SLC6A11: variants seen among roughly 807,000 people sequenced by gnomAD.
SLC6A11 encodes the protein sodium- and chloride-dependent GABA transporter 3.
Under a neutral mutation model 74.8 loss-of-function variants are expected in SLC6A11, and 25 were observed. The ratio of observed to expected loss-of-function variants is 0.33; its 90% CI spans 0.24 to 0.47. The LOEUF is 0.47. Among genes scored for constraint, SLC6A11 ranks in the 20% least tolerant of loss-of-function variants. The probability of loss-of-function intolerance (pLI) is 1.00; values close to 1 mark genes in which losing one functional copy is unlikely to be tolerated. For synonymous variants in SLC6A11, 330 were observed against 330.2 expected (o/e 1.00, Z 0.01); for missense variants, 574 against 837.0 (o/e 0.69, Z 3.88).
rs371580874 is a variant in SLC6A11, at chr3:10,918,309, C to G, written c.996-20C>G. On this transcript the variant is annotated intron_variant, in intron 7 of 13. Transcript: ENST00000254488. This position sits in a 1 kb window ranked among gnomAD's most constrained non-coding sequence, Gnocchi z 4.5. ...GTTCTGCCCGCTCTGACCCTAGTGCCTCTCGCTGCTTCCCCACAGGGACTG... is the reference window on the plus strand; with the variant it reads ...GTTCTGCCCGCTCTGACCCTAGTGCGTCTCGCTGCTTCCCCACAGGGACTG... The G allele has an allele frequency of 6.4e-7, 1 of 1,571,358 alleles. No homozygotes were observed.
At chr3:10,843,036 T>C (rs1392744525) in intron 4 of SLC6A11, among the ~76,000 whole-genome samples, 1 of 152,042 alleles carries the variant, frequency 6.6e-6, no homozygotes, top group Non-Finnish European at 1.5e-5. Flanking sequence ...GCGACTGGCA[T>C]GGTCTGATGG....
chr3:10,923,956 A>G (rs544548008), intron 8 of SLC6A11, among the ~76,000 whole-genome samples: 1 of 152,302 alleles, frequency 6.6e-6, no homozygotes, highest in Admixed American at 6.5e-5. Flanking sequence ...TCATGAGGAA[A>G]CATCAGACCA....
chr3:10,935,011 GC>G lies in SLC6A11; in HGVS notation c.1576-13del, dbSNP rs1215397432. On this transcript the variant is annotated splice_polypyrimidine_tract_variant and intron_variant, in intron 12 of 13. Transcript: ENST00000254488. ...CTGAGGGCCCATCCCCCAGGCACCT[GC>G]CCCCATCTCTCTGCAGGGGATCTTC... The G allele has an allele frequency of 3.7e-6, 6 of 1,608,560 alleles. No individual in the cohort carries two copies. Among genetic ancestry groups the G allele is most frequent in the Admixed American group, 1.7e-5 (1 of 59,834 alleles).
chr3:10,902,609 G>T (rs562484638), intron 6 of SLC6A11, among the ~76,000 whole-genome samples: 4 of 152,308 alleles, frequency 2.6e-5, no homozygotes, highest in South Asian at 4.2e-4. Context: ...GAAGTAATTT[G>T]CCCAGGGTTG....
chr3:10,934,263 G>A, intron 12 of SLC6A11, 97 bp downstream of exon 12: 1 of 810,076 alleles, frequency 1.2e-6, no homozygotes, highest in East Asian at 2.5e-5. Context: ...GGCCGAGGCT[G>A]GACCTGAGGA....
At chr3:10,936,481 C>A (rs1006787283) in intron 13 of SLC6A11, among the ~76,000 whole-genome samples, 13 of 152,304 alleles carry the variant, frequency 8.5e-5, no homozygotes, top group African/African-American at 3.1e-4. Context: ...GTATGCAGAG[C>A]CAGAATGCAA....
In SLC6A11 at chr3:10,938,575, C is replaced by T. The variant is rs561442763; in HGVS notation, c.*173C>T. 6.5e-4 allele frequency: 348 copies of T among 536,942 alleles called. No homozygotes were observed. The highest frequency in any genetic ancestry group is 7.7e-4 in the Non-Finnish European group (243 of 314,614). The allele number at this position is 536,942 out of a possible 1,614,324, so 33.3% of individuals were successfully genotyped here. On this transcript the variant is annotated 3_prime_UTR_variant, in exon 14 of 14. Coordinates refer to ENST00000254488, the MANE Select transcript of SLC6A11 (RefSeq NM_014229.3). ...CACTGCTCTAAAGTCATATCCCCTC[C>T]CCGCCCCCAGTCATCATGGAAGTAA...
At chr3:10,870,526 T>A (rs948959701) in intron 5 of SLC6A11, among the ~76,000 whole-genome samples, 1 of 152,218 alleles carries the variant, frequency 6.6e-6, no homozygotes, top group African/African-American at 2.4e-5. Context: ...GCAGTATGTG[T>A]GTCACTTATG....
intron 6 of SLC6A11, among the ~76,000 whole-genome samples, chr3:10,886,807 CA>C (rs200743729): frequency 0.022 from 2,189 of 101,088 alleles, 14 homozygotes; most frequent in East Asian, 0.043. Context: ...GACTCCATCT[CA>C]AAAAAAAAAA....
At chr3:10,828,590 G>C (rs1055068437) in intron 4 of SLC6A11, among the ~76,000 whole-genome samples, 1 of 152,134 alleles carries the variant, frequency 6.6e-6, no homozygotes, top group Admixed American at 6.5e-5. Context: ...CTGTTCTTTA[G>C]ATGTACGGGC....
intron 5 of SLC6A11, among the ~76,000 whole-genome samples, chr3:10,864,809 C>T (rs1427054123): frequency 6.6e-6 from 1 of 152,208 alleles, no homozygotes; most frequent in African/African-American, 2.4e-5. Flanking sequence ...CTGGCTGCTG[C>T]AGCTCCTCCA....
intron 6 of SLC6A11, among the ~76,000 whole-genome samples, chr3:10,907,042 G>A (rs1695312534): frequency 6.6e-6 from 1 of 152,108 alleles, no homozygotes; most frequent in Non-Finnish European, 1.5e-5. Context: ...TAATTATGGG[G>A]AGAATATTGT....
intron 5 of SLC6A11, among the ~76,000 whole-genome samples, chr3:10,859,161 A>G (rs1225555609): frequency 6.6e-6 from 1 of 152,254 alleles, no homozygotes; most frequent in Non-Finnish European, 1.5e-5. Context: ...TGAGACCAGA[A>G]CACATGCCAT....
At chr3:10,937,034 C>T (rs569882236) in intron 13 of SLC6A11, among the ~76,000 whole-genome samples, 45 of 152,100 alleles carry the variant, frequency 3.0e-4, no homozygotes, top group Non-Finnish European at 5.1e-4. Flanking sequence ...GCCTCAGTTC[C>T]CACAAAGCTG....
At chr3:10,873,527 ATCC>A in intron 5 of SLC6A11, among the ~76,000 whole-genome samples, 2 of 146,934 alleles carry the variant, frequency 1.4e-5, no homozygotes, top group African/African-American at 2.6e-5. Context: ...ATGCCATCCT[ATCC>A]TGTCCTATCC....
chr3:10,821,645 G>T (rs1434255492), intron 3 of SLC6A11, among the ~76,000 whole-genome samples: 1 of 152,174 alleles, frequency 6.6e-6, no homozygotes, highest in African/African-American at 2.4e-5. Flanking sequence ...ACTTTAAATT[G>T]TGCTGGTTCT....
intron 4 of SLC6A11, among the ~76,000 whole-genome samples, chr3:10,839,963 C>T (rs574128471): frequency 5.9e-5 from 9 of 152,260 alleles, no homozygotes; most frequent in Non-Finnish European, 1.3e-4. Flanking sequence ...GTCACCCATT[C>T]CTCTCCAGGA....
intron 5 of SLC6A11, among the ~76,000 whole-genome samples, chr3:10,874,259 CTA>C (rs1280316859): frequency 6.6e-6 from 1 of 152,178 alleles, no homozygotes; most frequent in African/African-American, 2.4e-5. Flanking sequence ...TTTTTCAGCT[CTA>C]TGTGTGCTGG....
At chr3:10,861,150 C>G (rs750724345) in intron 5 of SLC6A11, among the ~76,000 whole-genome samples, 10 of 152,202 alleles carry the variant, frequency 6.6e-5, no homozygotes, top group Non-Finnish European at 1.3e-4. Flanking sequence ...ATGCCTAACA[C>G]AGTAGCTGGC....
Sources: allele counts gnomAD v4.1 joint callset (sites outside exome capture counted in the v4.1 genomes callset), GRCh38; gene constraint gnomAD v4.1.1; non-coding constraint Gnocchi (gnomAD v3.1); transcripts MANE v1.5; gene names NCBI Gene and HGNC (gene_info 2026-07-23, HGNC 2026-07-21).